The following KAZN variants were observed in gnomAD, a reference collection of about 807,000 sequenced individuals.
KAZN encodes kazrin, periplakin interacting protein.
A neutral mutation model predicts 87.4 loss-of-function variants in KAZN; 40 were observed. The observed-to-expected ratio is 0.46, with a 90% CI of 0.36 to 0.60. The LOEUF (loss-of-function observed/expected upper bound fraction) is 0.60. Among genes scored for constraint, KAZN ranks in the 20% least tolerant of loss-of-function variants. The probability of loss-of-function intolerance (pLI) is 0.00; values close to 1 mark genes in which losing one functional copy is unlikely to be tolerated. For missense variants in KAZN, 898 were observed against 1,073.9 expected (o/e 0.84, Z 2.29); for synonymous variants, 466 against 458.3 (o/e 1.02, Z -0.22).
intron 2 of KAZN, among the ~76,000 whole-genome samples, chr1:14,591,259 G>A (rs1676182856): frequency 6.6e-6 from 1 of 152,054 alleles, no homozygotes; most frequent in Admixed American, 6.5e-5. Flanking sequence ...TCTTTGGAGT[G>A]TAGTGATATT....
At chr1:14,106,780 G>A (rs1435346613) in intron 1 of KAZN, among the ~76,000 whole-genome samples, 1 of 152,176 alleles carries the variant, frequency 6.6e-6, no homozygotes, top group South Asian at 2.1e-4. Context: ...TTTTGAGATA[G>A]TGAGTTTCCC....
intron 1 of KAZN, among the ~76,000 whole-genome samples, chr1:14,855,000 C>A (rs554166849): frequency 2.2e-4 from 33 of 152,122 alleles, no homozygotes; most frequent in Admixed American, 6.5e-4. Context: ...GCTGTGGAGG[C>A]GGGCTGGAAG....
chr1:13,945,482 A>T (rs1641103577), intron 1 of KAZN, among the ~76,000 whole-genome samples: 1 of 151,846 alleles, frequency 6.6e-6, no homozygotes, highest in African/African-American at 2.4e-5. Context: ...TCAAAAAAAA[A>T]AAAAAAAATT....
At chr1:14,197,380 T>A (rs200312247) in intron 2 of KAZN, among the ~76,000 whole-genome samples, 7 of 91,194 alleles carry the variant, frequency 7.7e-5, no homozygotes, top group South Asian at 3.3e-4. Context: ...AAAAAAAAAG[T>A]AAATGTTAAA....
At chr1:13,993,362 T>C (rs547713957) in intron 1 of KAZN, among the ~76,000 whole-genome samples, 1 of 152,276 alleles carries the variant, frequency 6.6e-6, no homozygotes, top group African/African-American at 2.4e-5. Context: ...CAGGTTTTAG[T>C]AAGAATGGAA....
chr1:14,242,949 C>A (rs141918775), intron 2 of KAZN, among the ~76,000 whole-genome samples: 6 of 152,250 alleles, frequency 3.9e-5, no homozygotes, highest in Admixed American at 3.9e-4. Context: ...TACAAGGATA[C>A]GTTTGTATGC....
At chr1:14,434,832 C>T (rs1381190760) in intron 2 of KAZN, among the ~76,000 whole-genome samples, 4 of 152,068 alleles carry the variant, frequency 2.6e-5, no homozygotes, top group South Asian at 2.1e-4. Flanking sequence ...CACTCGCTCT[C>T]GGTGGCCTCC....
intron 3 of KAZN, among the ~76,000 whole-genome samples, chr1:15,035,242 A>T (rs1262357194): frequency 6.6e-6 from 1 of 152,188 alleles, no homozygotes; most frequent in African/African-American, 2.4e-5. Context: ...ACTCTATGAG[A>T]TGATGAATGC....
At chr1:14,590,312 A>G (rs1676117611) in intron 2 of KAZN, among the ~76,000 whole-genome samples, 1 of 152,118 alleles carries the variant, frequency 6.6e-6, no homozygotes, top group African/African-American at 2.4e-5. Flanking sequence ...GCCACAGAGG[A>G]GTAGCTCCCT....
At chr1:14,149,868 A>G (rs1389226040) in intron 1 of KAZN, among the ~76,000 whole-genome samples, 1 of 152,198 alleles carries the variant, frequency 6.6e-6, no homozygotes, top group Non-Finnish European at 1.5e-5. Context: ...TGATTTGCAT[A>G]TGGAACAACT....
At chr1:14,433,255 AC>A (rs559368819) in intron 2 of KAZN, among the ~76,000 whole-genome samples, 1 of 151,656 alleles carries the variant, frequency 6.6e-6, no homozygotes, top group African/African-American at 2.4e-5. Context: ...GCCAGCACCC[AC>A]CCCCCACAGA....
chr1:14,861,063 A>C (rs577289313), intron 1 of KAZN, among the ~76,000 whole-genome samples: 1 of 152,332 alleles, frequency 6.6e-6, no homozygotes, highest in South Asian at 2.1e-4. Flanking sequence ...GGTGCCAAGT[A>C]ATTGCAGTTT....
At chr1:14,622,099 TAC>T (rs1678741757) in intron 1 of KAZN, among the ~76,000 whole-genome samples, 1 of 152,186 alleles carries the variant, frequency 6.6e-6, no homozygotes, top group Admixed American at 6.5e-5. Flanking sequence ...AGAAGAAAAT[TAC>T]ACAGATTCAT....
At chr1:14,179,804 A>C (rs1207475555) in intron 1 of KAZN, among the ~76,000 whole-genome samples, 1 of 152,242 alleles carries the variant, frequency 6.6e-6, no homozygotes. Flanking sequence ...TGCTGTGATC[A>C]AGTCCATTGT....
intron 1 of KAZN, among the ~76,000 whole-genome samples, chr1:13,897,595 A>C (rs569672898): frequency 6.6e-6 from 1 of 152,240 alleles, no homozygotes; most frequent in Admixed American, 6.5e-5. Flanking sequence ...GTGCTAGACA[A>C]ACTCACATCT....
chr1:14,271,346 A>C (rs1651910649), intron 2 of KAZN, among the ~76,000 whole-genome samples: 1 of 152,226 alleles, frequency 6.6e-6, no homozygotes, highest in Non-Finnish European at 1.5e-5. Context: ...CCCTCAGCGC[A>C]TATCAGTCGC....
chr1:14,065,488 T>C (rs1041138500), intron 1 of KAZN, among the ~76,000 whole-genome samples: 4 of 152,094 alleles, frequency 2.6e-5, no homozygotes. Flanking sequence ...CTTTTGTTTT[T>C]CTTTTCCTAT....
intron 2 of KAZN, among the ~76,000 whole-genome samples, chr1:14,531,598 A>C (rs1318035378): frequency 6.6e-6 from 1 of 152,142 alleles, no homozygotes; most frequent in Non-Finnish European, 1.5e-5. Context: ...CAGTGGAAAG[A>C]TGTGGTTGAC....
In KAZN at chr1:14,326,910, C is replaced by T. The variant is rs143536177; in HGVS notation, c.249+146318C>T. ...CCCCATGTTGCCTGTCTCCCTCCCC[C>T]ATCCTGCTTTATAGCCTCTGGTGCA... On this transcript the variant is annotated intron_variant, in intron 2 of 16. Transcript: ENST00000636203. Among the ~76,000 whole-genome samples, 1,006 of 152,264 alleles carry T rather than the reference C, an allele frequency of 6.6e-3. 12 individuals are homozygous for T. The highest frequency in any genetic ancestry group is 0.023 in the African/African-American group (955 of 41,544).
Sources: allele counts gnomAD v4.1 joint callset (sites outside exome capture counted in the v4.1 genomes callset), GRCh38; gene constraint gnomAD v4.1.1; transcripts MANE v1.5; gene names NCBI Gene and HGNC (gene_info 2026-07-23, HGNC 2026-07-21).